RAB11FIP5: variants seen among roughly 807,000 people sequenced by gnomAD.
The protein encoded by RAB11FIP5 is rab11 family-interacting protein 5.
A neutral mutation model predicts 85.1 loss-of-function variants in RAB11FIP5; 48 were observed. The observed-to-expected ratio is 0.56, with a 90% CI of 0.45 to 0.72. The LOEUF is 0.72. Among genes scored for constraint, RAB11FIP5 ranks in the 30% least tolerant of loss-of-function variants. The pLI is 0.00. For synonymous variants in RAB11FIP5, 729 were observed against 727.3 expected, an observed-to-expected ratio of 1.00 and a Z score of -0.04; for missense variants, 1,491 against 1,687.0, an observed-to-expected ratio of 0.88 and a Z score of 2.04.
rs754181912 is a variant in RAB11FIP5 at position 73,089,240 on chromosome 2, C to A, written c.507G>T (p.Thr169=). The A allele has an allele frequency of 6.2e-7, 1 of 1,614,160 alleles. No homozygotes were observed. The highest frequency in any genetic ancestry group is 1.1e-5 in the South Asian group (1 of 91,084). ...ACATACTGGCGCTCAGGTTGTTGCGCGTGAACTGGATGGTGACTTCAATCT... is the reference window on the plus strand; with the variant it reads ...ACATACTGGCGCTCAGGTTGTTGCGAGTGAACTGGATGGTGACTTCAATCT... ...RGEIEVTIQF[T]RNNLSASMFD... is the part of the protein sequence containing the mutation. The change falls in exon 2 of 6, where the codon ACG becomes ACT. Residue 169 remains threonine (T), a synonymous_variant. Transcript: ENST00000486777. The surrounding 1 kb of genome is among the most constrained non-coding windows in gnomAD (Gnocchi z 4.6).
In RAB11FIP5 at chr2:73,075,925, C is replaced by A. The variant is rs150301033; in HGVS notation, c.3771+68G>T. On this transcript the variant is annotated intron_variant, in intron 5 of 5. Coordinates refer to ENST00000486777, the MANE Select transcript of RAB11FIP5 (RefSeq NM_001371272.1). This position sits in a 1 kb window ranked among gnomAD's most constrained non-coding sequence, Gnocchi z 4.6. The stretch of plus-strand genomic sequence containing the variant: ...TGGCCTGCTCCCTGCCCCACCCTCA[C>A]CAGGACCAAGCCCTGAGACTCCACC... 1.5e-4 allele frequency: 228 copies of A among 1,551,098 alleles called. No homozygotes were observed. Among genetic ancestry groups the A allele is most frequent in the Admixed American group, 2.8e-4 (16 of 56,434 alleles).
At position 73,088,569 on chromosome 2, in the gene RAB11FIP5, C is replaced by CCCT. The variant is rs1684140952; in HGVS notation, c.1046_1048dup (p.Gln349_Gly350insGlu). On this transcript the variant is annotated inframe_insertion, in exon 3 of 6. Transcript: ENST00000486777. ...GATGGAGCTGCGGTGCCGCACAGGG[C>CCCT]CCTGGGGCTCCTCATTGTAAATGTG... 1.2e-6 allele frequency: 2 copies of CCCT among 1,613,746 alleles called. No individual in the cohort carries two copies. Among genetic ancestry groups the CCCT allele is most frequent in the Admixed American group, 3.3e-5 (2 of 60,014 alleles).
chr2:73,107,491 G>A (rs1684551298), intron 1 of RAB11FIP5, among the ~76,000 whole-genome samples: 1 of 152,168 alleles, frequency 6.6e-6, no homozygotes, highest in South Asian at 2.1e-4. Context: ...GAGACAGGTG[G>A]GGCAGAGATG....
rs895654245 is a variant in RAB11FIP5, at chr2:73,111,142, G to C, written c.431+1205C>G. Reference sequence around the variant, plus strand: ...TGGAGTCAGGTCACAGCCATGCCTGGAACCTGCACTAACGCCCTCCCCATC... The same window carrying C: ...TGGAGTCAGGTCACAGCCATGCCTGCAACCTGCACTAACGCCCTCCCCATC... On this transcript the variant is annotated intron_variant, in intron 1 of 5. Transcript: ENST00000486777. Among the ~76,000 whole-genome samples the C allele has an allele frequency of 3.3e-5, 5 of 152,180 alleles. No homozygotes were observed. The South Asian group carries it at 8.3e-4, about 25-fold the overall frequency.
intron 1 of RAB11FIP5, among the ~76,000 whole-genome samples, chr2:73,101,061 T>G (rs1165159368): frequency 4.0e-5 from 5 of 126,330 alleles, no homozygotes; most frequent in African/African-American, 1.5e-4. Flanking sequence ...TTTGGAATGC[T>G]GGGGGGCTAA....
intron 1 of RAB11FIP5, among the ~76,000 whole-genome samples, chr2:73,093,860 C>T (rs1684268745): frequency 6.6e-6 from 1 of 152,248 alleles, no homozygotes; most frequent in African/African-American, 2.4e-5. Context: ...GTGGCTCATG[C>T]CTGCAATCCC....
At position 73,089,611 on chromosome 2, in the gene RAB11FIP5, C is replaced by G. The variant is rs1684168930; in HGVS notation, c.432-296G>C. ...GCCTCCTCCCACCCCAGGACCTTCTCCTGGTGCTCAGAGACCTCTCCTCTG... is the reference window on the plus strand; with the variant it reads ...GCCTCCTCCCACCCCAGGACCTTCTGCTGGTGCTCAGAGACCTCTCCTCTG... On this transcript the variant is annotated intron_variant, in intron 1 of 5. Coordinates refer to ENST00000486777, the MANE Select transcript of RAB11FIP5 (RefSeq NM_001371272.1). The surrounding 1 kb of genome is among the most constrained non-coding windows in gnomAD (Gnocchi z 4.6). The G allele has an allele frequency of 4.2e-6, 2 of 472,592 alleles. No individual in the cohort carries two copies. Among genetic ancestry groups the G allele is most frequent in the Non-Finnish European group, 7.8e-6 (2 of 255,046 alleles). The allele number at this position is 472,592 out of a possible 1,614,324, so 29.3% of individuals were successfully genotyped here.
chr2:73,080,889 C>G lies in RAB11FIP5; in HGVS notation c.2343G>C (p.Pro781=). The change falls in exon 4 of 6, where the codon CCG becomes CCC. Residue 781 remains proline (P), a synonymous_variant. Coordinates refer to ENST00000486777, the MANE Select transcript of RAB11FIP5 (RefSeq NM_001371272.1). ...TAAATAGAGATGTCCCACTGTCTGC[C>G]GGACTCTGCCCTGCTTCCACTTCCG... ...PAPEVEAGQS[P]ADSGTSLFSS... The G allele has an allele frequency of 8.1e-7, 1 of 1,232,534 alleles. No homozygotes were observed. The highest frequency in any genetic ancestry group is 1.0e-6 in the Non-Finnish European group (1 of 988,282). 76.3% of individuals were successfully genotyped at this position (1,232,534 alleles called of 1,614,324 possible).
At chr2:73,110,772 C>CT (rs1329231576) in intron 1 of RAB11FIP5, among the ~76,000 whole-genome samples, 1 of 152,002 alleles carries the variant, frequency 6.6e-6, no homozygotes, top group Non-Finnish European at 1.5e-5. Flanking sequence ...GGCCTGGAGC[C>CT]TTTTTTTGGT....
chr2:73,094,062 A>C (rs1006322971), intron 1 of RAB11FIP5, among the ~76,000 whole-genome samples: 1 of 148,226 alleles, frequency 6.7e-6, no homozygotes, highest in Non-Finnish European at 1.5e-5. Flanking sequence ...CGGAAGTTGC[A>C]GTGAGCCAAG....
At chr2:73,103,995 G>A (rs898625260) in intron 1 of RAB11FIP5, among the ~76,000 whole-genome samples, 11 of 152,172 alleles carry the variant, frequency 7.2e-5, no homozygotes, top group East Asian at 1.9e-4. Flanking sequence ...CAAGGTCTCA[G>A]TTCAGACCCC....
Position 73,112,741 on chromosome 2 carries a change from G to A in RAB11FIP5, c.37C>T (p.Pro13Ser). The change falls in exon 1 of 6, where the codon CCT (proline) becomes TCT (serine). Residue 13 changes from proline to serine, a missense_variant. Around this residue, in one of 3 missense-constraint regions of RAB11FIP5, gnomAD observed 1,211 missense variants for 1,338.0 expected, o/e 0.91. Transcript: ENST00000486777. ...LVRGAEPAAGPSRWLPTHVQV... is the reference protein window; with the variant it reads ...LVRGAEPAAGSSRWLPTHVQV... ...ACGTGCGTGGGCAGCCAGCGGGAAGGCCCCGCCGCCGGCTCCGCGCCCCGC... is the reference window on the plus strand; with the variant it reads ...ACGTGCGTGGGCAGCCAGCGGGAAGACCCCGCCGCCGGCTCCGCGCCCCGC... 1 of 1,492,936 alleles carries A rather than the reference G, an allele frequency of 6.7e-7. No individual in the cohort carries two copies. Among genetic ancestry groups the A allele is most frequent in the East Asian group, 2.7e-5 (1 of 37,380 alleles). The allele number at this position is 1,492,936 out of a possible 1,614,324, so 92.5% of individuals were successfully genotyped here. A position where few individuals can be genotyped will look rare whatever the true frequency, so the allele number is the denominator to read the frequency against.
At chr2:73,100,677 C>T (rs538727390) in intron 1 of RAB11FIP5, among the ~76,000 whole-genome samples, 6 of 152,270 alleles carry the variant, frequency 3.9e-5, no homozygotes, top group Middle Eastern at 3.4e-3. Flanking sequence ...CCATCTGCCT[C>T]GGCTTCCCAA....
At chr2:73,101,507 A>G (rs1339304271) in intron 1 of RAB11FIP5, among the ~76,000 whole-genome samples, 1 of 152,152 alleles carries the variant, frequency 6.6e-6, no homozygotes, top group Non-Finnish European at 1.5e-5. Flanking sequence ...AAGGCACCCA[A>G]ATCTGTTGGA....
intron 1 of RAB11FIP5, among the ~76,000 whole-genome samples, chr2:73,109,521 G>C (rs1684600653): frequency 6.6e-6 from 1 of 152,236 alleles, no homozygotes; most frequent in South Asian, 2.1e-4. Flanking sequence ...AACGGGGAGT[G>C]AAATCCCAGT....
intron 1 of RAB11FIP5, among the ~76,000 whole-genome samples, chr2:73,094,011 C>T (rs544517338): frequency 6.6e-6 from 1 of 151,568 alleles, no homozygotes; most frequent in African/African-American, 2.4e-5. Flanking sequence ...ATCTGAGCTG[C>T]TCGGGAAGCT....
chr2:73,089,715 C>A lies in RAB11FIP5; in HGVS notation c.432-400G>T, dbSNP rs1574298215. The A allele has an allele frequency of 2.9e-6, 1 of 340,782 alleles. No individual in the cohort carries two copies. Among genetic ancestry groups the A allele is most frequent in the East Asian group, 8.1e-5 (1 of 12,336 alleles). The allele number at this position is 340,782 out of a possible 1,614,324, so 21.1% of individuals were successfully genotyped here. A position where few individuals can be genotyped will look rare whatever the true frequency, so the allele number is the denominator to read the frequency against. The stretch of plus-strand genomic sequence containing the variant: ...TGGGAGAGCCCTCCCATCTCCAGGC[C>A]CCAGCACAGACAGACCTACCCACAT... On this transcript the variant is annotated intron_variant, in intron 1 of 5. Transcript: ENST00000486777. The surrounding 1 kb of genome is among the most constrained non-coding windows in gnomAD (Gnocchi z 4.6).
rs1002044933 is a variant in RAB11FIP5, at chr2:73,073,854, G to C, written c.*1667C>G. 1.3e-5 allele frequency: 2 copies of C among 152,204 alleles called. No homozygotes were observed. Among genetic ancestry groups the C allele is most frequent in the Admixed American group, 1.3e-4 (2 of 15,290 alleles). The allele number at this position is 152,204 out of a possible 1,614,324, so 9.4% of individuals were successfully genotyped here. On this transcript the variant is annotated 3_prime_UTR_variant, in exon 6 of 6. Transcript: ENST00000486777. ...GTGTGGCGCTCCTCTGCTCCATCCT[G>C]GCAGCAGACAGACATCACCCAGAGG...
chr2:73,109,720 A>C (rs1684603662), intron 1 of RAB11FIP5, among the ~76,000 whole-genome samples: 1 of 152,224 alleles, frequency 6.6e-6, no homozygotes, highest in African/African-American at 2.4e-5. Context: ...AGAGAGCTGC[A>C]AAGGGCCAGC....
Sources: allele counts gnomAD v4.1 joint callset (sites outside exome capture counted in the v4.1 genomes callset), GRCh38; gene constraint gnomAD v4.1.1; regional missense constraint gnomAD v4.1.1; non-coding constraint Gnocchi (gnomAD v3.1); transcripts MANE v1.5; gene names NCBI Gene and HGNC (gene_info 2026-07-23, HGNC 2026-07-21).